The following ACAA2 variants were observed in gnomAD, a reference collection of about 807,000 sequenced individuals.
ACAA2 encodes the protein 3-ketoacyl-CoA thiolase, mitochondrial.
In ACAA2, 35 loss-of-function variants were observed where a neutral mutation model predicts 44.8. That is an observed-to-expected ratio of 0.78 (90% CI 0.60 to 1.04). The LOEUF (loss-of-function observed/expected upper bound fraction) is 1.04. Ranked by LOEUF, ACAA2 falls within the 50% of genes least tolerant of loss-of-function variation. The pLI is 0.00. For missense variants in ACAA2, 468 were observed against 482.6 expected (o/e 0.97, Z 0.28); for synonymous variants, 142 against 166.5 (o/e 0.85, Z 1.13).
intron 7 of ACAA2, among the ~76,000 whole-genome samples, chr18:49,790,097 C>T (rs1302248415): frequency 6.6e-6 from 1 of 152,116 alleles, no homozygotes; most frequent in African/African-American, 2.4e-5. Context: ...TAATAAATGC[C>T]ATAACAACAT....
chr18:49,803,953 C>G (rs2023585517), intron 1 of ACAA2, among the ~76,000 whole-genome samples: 2 of 150,042 alleles, frequency 1.3e-5, no homozygotes, highest in Non-Finnish European at 1.5e-5. Context: ...TCTTGTCGCC[C>G]AGGCTGGAGC....
At chr18:49,784,908 CCTCATTATCTG>C (rs1568583855) in intron 9 of ACAA2, among the ~76,000 whole-genome samples, 1 of 152,092 alleles carries the variant, frequency 6.6e-6, no homozygotes, top group African/African-American at 2.4e-5. Flanking sequence ...AGAAGCAGGG[CCTCATTATCTG>C]CTCATGCAGT....
intron 2 of ACAA2, among the ~76,000 whole-genome samples, chr18:49,800,782 C>A (rs1160975810): frequency 6.6e-6 from 1 of 151,512 alleles, no homozygotes; most frequent in Non-Finnish European, 1.5e-5. Context: ...GGGTCCTCTG[C>A]CTAGGAAAAC....
intron 1 of ACAA2, among the ~76,000 whole-genome samples, chr18:49,809,988 C>T (rs910994532): frequency 6.6e-6 from 1 of 152,098 alleles, no homozygotes; most frequent in Non-Finnish European, 1.5e-5. Flanking sequence ...GGTAATACTC[C>T]GTACTTTCTG....
At chr18:49,795,599 AG>A (rs1391714863) in intron 4 of ACAA2, among the ~76,000 whole-genome samples, 165 bp downstream of exon 4, 1 of 152,244 alleles carries the variant, frequency 6.6e-6, no homozygotes, top group Non-Finnish European at 1.5e-5. Context: ...CCACCAAAAT[AG>A]AGTTTTGAAA....
At chr18:49,810,017 C>T (rs2023651508) in intron 1 of ACAA2, among the ~76,000 whole-genome samples, 2 of 152,060 alleles carry the variant, frequency 1.3e-5, no homozygotes, top group Admixed American at 1.3e-4. Context: ...TTTTGTAAAA[C>T]CTAAATCTGC....
At chr18:49,799,226 C>A (rs1457774171) in intron 2 of ACAA2, among the ~76,000 whole-genome samples, 1 of 152,064 alleles carries the variant, frequency 6.6e-6, no homozygotes, top group African/African-American at 2.4e-5. Flanking sequence ...CTCTCCCCCT[C>A]CTCCTCCCCC....
chr18:49,788,585 T>C (rs181674471), intron 7 of ACAA2, among the ~76,000 whole-genome samples: 360 of 152,308 alleles, frequency 2.4e-3, no homozygotes, highest in African/African-American at 8.1e-3. Context: ...CATGAAATCA[T>C]GAAAATGAGA....
chr18:49,800,225 G>C (rs2023527107), intron 2 of ACAA2, among the ~76,000 whole-genome samples: 1 of 145,780 alleles, frequency 6.9e-6, no homozygotes, highest in African/African-American at 2.6e-5. Flanking sequence ...GAGGTGGGGG[G>C]GTCAGCCCCC....
At chr18:49,789,379 C>T (rs1313927390) in intron 7 of ACAA2, among the ~76,000 whole-genome samples, 1 of 152,120 alleles carries the variant, frequency 6.6e-6, no homozygotes, top group Non-Finnish European at 1.5e-5. Context: ...TCACTATATA[C>T]AAGTGACAGC....
At chr18:49,785,025 C>T (rs1177701737) in intron 9 of ACAA2, among the ~76,000 whole-genome samples, 172 bp downstream of exon 9, 2 of 152,186 alleles carry the variant, frequency 1.3e-5, no homozygotes, top group African/African-American at 4.8e-5. Context: ...AGGTGACTGA[C>T]TCATCTATGA....
At chr18:49,784,521 T>A (rs2023304450) in intron 9 of ACAA2, among the ~76,000 whole-genome samples, 1 of 152,114 alleles carries the variant, frequency 6.6e-6, no homozygotes, top group South Asian at 2.1e-4. Context: ...TACTTTTGTA[T>A]GTGGCAATCA....
At chr18:49,788,982 TTTTCTC>T (rs1268419495) in intron 7 of ACAA2, among the ~76,000 whole-genome samples, 3 of 152,184 alleles carry the variant, frequency 2.0e-5, no homozygotes, top group African/African-American at 7.2e-5. Context: ...TTTTCCACCT[TTTTCTC>T]TTTAAGCATC....
rs945279355 is a variant in ACAA2, at chr18:49,783,817, G to C, written c.*30C>G. On this transcript the variant is annotated 3_prime_UTR_variant, in exon 10 of 10. Coordinates refer to ENST00000285093, the MANE Select transcript of ACAA2 (RefSeq NM_006111.3). ...ACTGTGGCCTGGCCAAGTAGAGTAA[G>C]GATGGGTCACAGTGAGCTCACTGGT... 7 of 1,599,228 alleles carry C rather than the reference G, an allele frequency of 4.4e-6. No homozygotes were observed. The highest frequency in any genetic ancestry group is 6.0e-6 in the Non-Finnish European group (7 of 1,168,118).
At chr18:49,798,571 T>C (rs2023491658) in intron 2 of ACAA2, among the ~76,000 whole-genome samples, 2 of 152,076 alleles carry the variant, frequency 1.3e-5, no homozygotes, top group African/African-American at 4.8e-5. Context: ...TGTAAAACAT[T>C]GGTCTATCAA....
rs756270268 is a variant in ACAA2, at chr18:49,795,820, G to A, written c.374C>T (p.Ala125Val). 1.1e-5 allele frequency: 18 copies of A among 1,612,398 alleles called. No individual in the cohort carries two copies. In the South Asian group the frequency reaches 1.7e-4, roughly 15 times the overall value. Residue 125 changes from alanine (A) to valine (V), a missense_variant, in exon 4 of 10, where the codon GCT (alanine) becomes GTT (valine). Physicochemically the swap from Ala to Val is moderately conservative, Grantham distance 64. Transcript: ENST00000285093. ...LCGGTESMSQAPYCVRNVRFG... is the reference protein window; with the variant it reads ...LCGGTESMSQVPYCVRNVRFG... ...ACGCACATTTCTGACACAGTAGGGA[G>A]CTTGGCTCATGCTTTCGGTTCCTCC...
chr18:49,809,157 A>G (rs1411444770), intron 1 of ACAA2, among the ~76,000 whole-genome samples: 1 of 152,064 alleles, frequency 6.6e-6, no homozygotes, highest in Non-Finnish European at 1.5e-5. Context: ...CTACTGCCCG[A>G]CCCCGCAGGC....
rs532376142 is a variant in ACAA2, at chr18:49,797,025, T to C, written c.312+441A>G. Among the ~76,000 whole-genome samples, 11 of 152,212 alleles carry C rather than the reference T, an allele frequency of 7.2e-5. 1 individual carries two copies. The South Asian group carries it at 2.3e-3, about 32-fold the overall frequency. ...CATTTTTAAGTATACAGCTCAGTAG[T>C]TTAAGTGTATTCATAGTGTGATGCA... On this transcript the variant is annotated intron_variant, in intron 3 of 9. Transcript: ENST00000285093.
chr18:49,808,096 A>C (rs2023629089), intron 1 of ACAA2, among the ~76,000 whole-genome samples: 1 of 152,242 alleles, frequency 6.6e-6, no homozygotes, highest in African/African-American at 2.4e-5. Context: ...AAAGATGCTC[A>C]ACATTGTATG....
Sources: allele counts gnomAD v4.1 joint callset (sites outside exome capture counted in the v4.1 genomes callset), GRCh38; gene constraint gnomAD v4.1.1; transcripts MANE v1.5; gene names NCBI Gene and HGNC (gene_info 2026-07-23, HGNC 2026-07-21).